The following MLLT1 variants were observed in gnomAD, a reference collection of about 807,000 sequenced individuals.
MLLT1 encodes the protein protein ENL.
Under a neutral mutation model 55.1 loss-of-function variants are expected in MLLT1, and 11 were observed. The observed-to-expected ratio is 0.20, with a 90% confidence interval of 0.13 to 0.33. The LOEUF (loss-of-function observed/expected upper bound fraction) is 0.33. Among genes scored for constraint, MLLT1 ranks in the 10% least tolerant of loss-of-function variants. The probability of loss-of-function intolerance (pLI) is 1.00; values close to 1 mark genes in which losing one functional copy is unlikely to be tolerated. For missense variants in MLLT1, 536 were observed against 760.6 expected, an observed-to-expected ratio of 0.70 and a Z score of 3.47; for synonymous variants, 323 against 320.1, an observed-to-expected ratio of 1.01 and a Z score of -0.10.
intron 3 of MLLT1, among the ~76,000 whole-genome samples, chr19:6,247,334 GA>G (rs1208617331): frequency 6.6e-6 from 1 of 152,146 alleles, no homozygotes; most frequent in African/African-American, 2.4e-5. Context: ...GGGAGCAGCG[GA>G]AGATTCTAGG....
chr19:6,239,430 C>G (rs2091094354), intron 3 of MLLT1, among the ~76,000 whole-genome samples: 1 of 152,220 alleles, frequency 6.6e-6, no homozygotes, highest in South Asian at 2.1e-4. Flanking sequence ...ACACAAATGC[C>G]AGGGAACACG....
intron 2 of MLLT1, among the ~76,000 whole-genome samples, chr19:6,267,953 G>A (rs934907675): frequency 6.6e-6 from 1 of 152,154 alleles, no homozygotes; most frequent in African/African-American, 2.4e-5. Context: ...AGCACCTACT[G>A]TATCCCTGCA....
chr19:6,255,453 A>T (rs1311102164), intron 3 of MLLT1, among the ~76,000 whole-genome samples: 1 of 152,220 alleles, frequency 6.6e-6, no homozygotes, highest in African/African-American at 2.4e-5. Flanking sequence ...AGATCGTGCC[A>T]CTGCACTCCA....
intron 3 of MLLT1, among the ~76,000 whole-genome samples, chr19:6,233,141 GC>G (rs1252548766): frequency 5.9e-5 from 9 of 152,242 alleles, no homozygotes; most frequent in Non-Finnish European, 8.8e-5. Flanking sequence ...GCTGCAGAGT[GC>G]CGTCTCTCCC....
Position 6,222,830 on chromosome 19 carries a change from G to C in MLLT1, c.547-146C>G. On this transcript the variant is annotated intron_variant, in intron 5 of 11. Coordinates refer to ENST00000252674, the MANE Select transcript of MLLT1 (RefSeq NM_005934.4). The surrounding 1 kb of genome is among the most constrained non-coding windows in gnomAD (Gnocchi z 4.1). ...GAGAAACTCTTCCATAAAGCAAAAA[G>C]GTAAGGCAGTAGGTGAGAGTTTTAC... The C allele has an allele frequency of 1.7e-6, 1 of 589,344 alleles. No homozygotes were observed. 36.5% of individuals were successfully genotyped at this position (589,344 alleles called of 1,614,324 possible).
intron 3 of MLLT1, among the ~76,000 whole-genome samples, chr19:6,237,294 TC>T (rs1000331963): frequency 2.0e-5 from 3 of 152,074 alleles, no homozygotes; most frequent in African/African-American, 7.2e-5. Context: ...CACCCAGCCT[TC>T]CCTCCCAATC....
At position 6,219,691 on chromosome 19, in the gene MLLT1, C is replaced by G. The variant is rs1312058106; in HGVS notation, c.1111-1650G>C. On this transcript the variant is annotated intron_variant, in intron 6 of 11. Coordinates refer to ENST00000252674, the MANE Select transcript of MLLT1 (RefSeq NM_005934.4). The surrounding 1 kb of genome is among the most constrained non-coding windows in gnomAD (Gnocchi z 4.5). ...GGAGGGAGGTGGACTGGAGAAGTAT[C>G]CAAGGTCCTGGCCCCATATCCCATG... Among the ~76,000 whole-genome samples the G allele has an allele frequency of 1.3e-5, 2 of 152,188 alleles. No individual in the cohort carries two copies. Among genetic ancestry groups the G allele is most frequent in the African/African-American group, 4.8e-5 (2 of 41,438 alleles).
chr19:6,272,145 C>A (rs1228421196), intron 1 of MLLT1, among the ~76,000 whole-genome samples: 3 of 151,870 alleles, frequency 2.0e-5, no homozygotes, highest in Non-Finnish European at 4.4e-5. Flanking sequence ...AAGCCCGAGC[C>A]CCGCGCACGT....
intron 8 of MLLT1, 101 bp from the exon 9 acceptor site, chr19:6,214,139 GC>G: frequency 1.7e-6 from 1 of 601,000 alleles, no homozygotes; most frequent in Admixed American, 3.9e-5. Context: ...CGGTGCCTGA[GC>G]CCACACACCC....
intron 3 of MLLT1, among the ~76,000 whole-genome samples, chr19:6,258,612 C>T (rs917315011): frequency 3.3e-5 from 5 of 152,336 alleles, no homozygotes; most frequent in Admixed American, 6.5e-5. Context: ...AATGCGGCCT[C>T]AGTTACGTTC....
chr19:6,253,205 C>CAGTGAGCCA (rs1207829371), intron 3 of MLLT1, among the ~76,000 whole-genome samples: 1 of 129,374 alleles, frequency 7.7e-6, no homozygotes, highest in African/African-American at 3.0e-5. Context: ...GCAGAGCTTG[C>CAGTGAGCCA]AGTGAGCCAA....
chr19:6,210,703 C>T lies in MLLT1; in HGVS notation c.*2339G>A, dbSNP rs746136026. ...GGGGCAGGCGGCTTAACAGGAAACA[C>T]GTGGCAATCACAAAGTGCCAGGCCC... On this transcript the variant is annotated 3_prime_UTR_variant, in exon 12 of 12. Coordinates refer to ENST00000252674, the MANE Select transcript of MLLT1 (RefSeq NM_005934.4). The surrounding 1 kb of genome is among the most constrained non-coding windows in gnomAD (Gnocchi z 4.6). 22 of 229,792 alleles carry T rather than the reference C, an allele frequency of 9.6e-5. No homozygotes were observed. Among genetic ancestry groups the T allele is most frequent in the Admixed American group, 1.7e-4 (3 of 17,662 alleles). 14.2% of individuals were successfully genotyped at this position (229,792 alleles called of 1,614,324 possible). A position where few individuals can be genotyped will look rare whatever the true frequency, so the allele number is the denominator to read the frequency against.
chr19:6,223,813 G>A (rs1484955043), intron 5 of MLLT1, among the ~76,000 whole-genome samples: 4 of 152,278 alleles, frequency 2.6e-5, no homozygotes, highest in African/African-American at 7.2e-5. Flanking sequence ...ACGCACCCAG[G>A]AGCACTGAGC....
At chr19:6,250,097 A>G (rs1176129216) in intron 3 of MLLT1, among the ~76,000 whole-genome samples, 1 of 152,194 alleles carries the variant, frequency 6.6e-6, no homozygotes, top group Non-Finnish European at 1.5e-5. Flanking sequence ...ACGGGCAAAG[A>G]GCTTGAATAG....
chr19:6,256,435 G>A lies in MLLT1; in HGVS notation c.276+5793C>T, dbSNP rs1600207683. ...GATTGCACCACTGCACTCCAGCCTGGGTGATAGAGCAAGACTCTGACAAAA... is the reference window on the plus strand; with the variant it reads ...GATTGCACCACTGCACTCCAGCCTGAGTGATAGAGCAAGACTCTGACAAAA... On this transcript the variant is annotated intron_variant, in intron 3 of 11. Transcript: ENST00000252674. This position sits in a 1 kb window ranked among gnomAD's most constrained non-coding sequence, Gnocchi z 4.1. Among the ~76,000 whole-genome samples, 2 of 151,946 alleles carry A rather than the reference G, an allele frequency of 1.3e-5. No individual in the cohort carries two copies. The highest frequency in any genetic ancestry group is 2.1e-4 in the South Asian group (1 of 4,810).
chr19:6,250,567 G>GATCACTCATCATGCGAA (rs2091204296), intron 3 of MLLT1, among the ~76,000 whole-genome samples: 1 of 152,190 alleles, frequency 6.6e-6, no homozygotes, highest in South Asian at 2.1e-4. Context: ...ATCATCTCTA[G>GATCACTCATCATGCGAA]ATCACTCATC....
chr19:6,217,357 G>T (rs1292769956), intron 7 of MLLT1, among the ~76,000 whole-genome samples: 2 of 152,222 alleles, frequency 1.3e-5, no homozygotes, highest in Admixed American at 6.5e-5. Context: ...GGGTGCTGGG[G>T]TCTGGACTGG....
chr19:6,253,187 C>A (rs1171471218), intron 3 of MLLT1, among the ~76,000 whole-genome samples: 1 of 145,936 alleles, frequency 6.9e-6, no homozygotes, highest in African/African-American at 2.6e-5. Flanking sequence ...ATGGCATGAA[C>A]CCGGGAGGCA....
At chr19:6,279,052 C>CGGGGCAGGATCAGA (rs1555712425) in intron 1 of MLLT1, among the ~76,000 whole-genome samples, 1 of 151,922 alleles carries the variant, frequency 6.6e-6, no homozygotes, top group Non-Finnish European at 1.5e-5. Context: ...TGGCTGCAGC[C>CGGGGCAGGATCAGA]GGGGCAGGAT....
Sources: allele counts gnomAD v4.1 joint callset (sites outside exome capture counted in the v4.1 genomes callset), GRCh38; gene constraint gnomAD v4.1.1; non-coding constraint Gnocchi (gnomAD v3.1); transcripts MANE v1.5; gene names NCBI Gene and HGNC (gene_info 2026-07-23, HGNC 2026-07-21).